GPR15LG: variants seen among roughly 807,000 people sequenced by gnomAD.
GPR15LG encodes G protein-coupled receptor 15 ligand, also known as protein GPR15LG.
chr10:84,174,715 C>T, the GPR15LG span, among the ~76,000 whole-genome samples: 1 of 152,126 alleles, frequency 6.6e-6, no homozygotes. Context: ...TGGTCTTGAA[C>T]TCCTAACCTC....
the GPR15LG span, among the ~76,000 whole-genome samples, chr10:84,174,659 A>AT: frequency 1.1e-4 from 17 of 151,874 alleles, 1 homozygote; most frequent in East Asian, 3.3e-3. Flanking sequence ...AGCCCAGCTA[A>AT]TTTTTGTATT....
the GPR15LG span, chr10:84,184,968 A>C: frequency 1.4e-6 from 2 of 1,421,298 alleles, no homozygotes; most frequent in Non-Finnish European, 1.8e-6. Context: ...CAGAGCTATC[A>C]TGAGCCAACC....
At chr10:84,179,179 T>G in the GPR15LG span, among the ~76,000 whole-genome samples, 1 of 152,220 alleles carries the variant, frequency 6.6e-6, no homozygotes, top group Non-Finnish European at 1.5e-5. Flanking sequence ...CACCCAGCAC[T>G]GCTAAGCCTC....
At chr10:84,176,513 G>A in the GPR15LG span, 1 of 1,614,046 alleles carries the variant, frequency 6.2e-7, no homozygotes, top group Admixed American at 1.7e-5. Flanking sequence ...TGGTCAGGCA[G>A]GAGAACCAGG....
chr10:84,176,356 C>T, the GPR15LG span: 10 of 744,630 alleles, frequency 1.3e-5, no homozygotes, highest in Admixed American at 7.9e-5. Flanking sequence ...TAGGACCTCT[C>T]GTAGCCTGGC....
At chr10:84,174,734 C>T in the GPR15LG span, among the ~76,000 whole-genome samples, 11 of 152,140 alleles carry the variant, frequency 7.2e-5, no homozygotes, top group Admixed American at 5.2e-4. Flanking sequence ...TCGTAATCCT[C>T]CCACCTCGGC....
the GPR15LG span, among the ~76,000 whole-genome samples, chr10:84,182,368 C>G: frequency 1.3e-5 from 2 of 152,196 alleles, no homozygotes; most frequent in Non-Finnish European, 2.9e-5. Flanking sequence ...TGACCCAAAG[C>G]AGTGTTTATT....
At chr10:84,183,359 A>G in the GPR15LG span, among the ~76,000 whole-genome samples, 1 of 152,200 alleles carries the variant, frequency 6.6e-6, no homozygotes, top group Admixed American at 6.5e-5. Context: ...GATCTTAATT[A>G]CCACACCACA....
chr10:84,174,143 A>C, the GPR15LG span, among the ~76,000 whole-genome samples: 9 of 152,202 alleles, frequency 5.9e-5, no homozygotes, highest in Non-Finnish European at 1.2e-4. Context: ...CCCCAAATAC[A>C]TACCCAGCCT....
chr10:84,183,476 G>A, the GPR15LG span, among the ~76,000 whole-genome samples: 4 of 152,158 alleles, frequency 2.6e-5, no homozygotes, highest in East Asian at 1.9e-4. Context: ...TCGTACAAAC[G>A]TGTTTACCTG....
the GPR15LG span, among the ~76,000 whole-genome samples, chr10:84,176,753 T>C: frequency 2.0e-5 from 3 of 152,192 alleles, no homozygotes; most frequent in African/African-American, 4.8e-5. Flanking sequence ...CATTTTAAAC[T>C]GAATACATTC....
chr10:84,174,597 A>T, the GPR15LG span, among the ~76,000 whole-genome samples: 2 of 148,898 alleles, frequency 1.3e-5, no homozygotes, highest in Non-Finnish European at 3.0e-5. Context: ...GGGTTCAAGC[A>T]ATTCTCTGCC....
chr10:84,181,709 G>A, the GPR15LG span, among the ~76,000 whole-genome samples: 20 of 152,338 alleles, frequency 1.3e-4, no homozygotes, highest in South Asian at 2.1e-4. Flanking sequence ...GATTACAGGC[G>A]TGAGCCACTG....
At chr10:84,181,239 AAT>A in the GPR15LG span, among the ~76,000 whole-genome samples, 2 of 104,042 alleles carry the variant, frequency 1.9e-5, no homozygotes, top group African/African-American at 1.0e-4. Context: ...TAAAAAATTA[AAT>A]TTTTTTTTTT....
At chr10:84,185,190 A>T in the GPR15LG span, 1 of 574,226 alleles carries the variant, frequency 1.7e-6, no homozygotes, top group Non-Finnish European at 2.3e-6. Context: ...ACCAGCATCC[A>T]GTGGTCCCCA....
the GPR15LG span, among the ~76,000 whole-genome samples, chr10:84,179,303 GC>G: frequency 2.0e-5 from 3 of 152,338 alleles, no homozygotes; most frequent in East Asian, 5.8e-4. Flanking sequence ...GCCACATGGT[GC>G]CCCGTAAACA....
chr10:84,178,370 G>A, the GPR15LG span, among the ~76,000 whole-genome samples: 4 of 147,260 alleles, frequency 2.7e-5, no homozygotes, highest in South Asian at 2.2e-4. Flanking sequence ...GCACACACAC[G>A]TATACCAGAC....
At chr10:84,183,167 T>A in the GPR15LG span, among the ~76,000 whole-genome samples, 2 of 152,242 alleles carry the variant, frequency 1.3e-5, no homozygotes, top group Admixed American at 1.3e-4. Flanking sequence ...GGCACTTACA[T>A]CTGCTAACTC....
At chr10:84,178,294 C>G in the GPR15LG span, among the ~76,000 whole-genome samples, 1 of 151,656 alleles carries the variant, frequency 6.6e-6, no homozygotes, top group Non-Finnish European at 1.5e-5. Context: ...ACACACTATA[C>G]ACACAAACAC....
Sources: gnomAD v4.1 joint callset for allele counts (sites outside exome capture counted in the v4.1 genomes callset) on GRCh38, gnomAD v4.1.1 for gene constraint, MANE v1.5 for transcripts, NCBI Gene and HGNC (gene_info 2026-07-23, HGNC 2026-07-21) for gene names.